LSAMP: variants seen among roughly 807,000 people sequenced by gnomAD.
LSAMP encodes limbic system-associated membrane protein.
Under a neutral mutation model 38.6 loss-of-function variants are expected in LSAMP, and 7 were observed. The ratio of observed to expected loss-of-function variants is 0.18; its 90% confidence interval spans 0.10 to 0.34. LSAMP has a LOEUF of 0.34. LSAMP is among the 10% of genes least tolerant of loss of function. The pLI is 1.00. For synonymous variants in LSAMP, 154 were observed against 166.8 expected (o/e 0.92, Z 0.59); for missense variants, 313 against 420.0 (o/e 0.75, Z 2.23).
chr3:116,131,470 T>C (rs1040097019), intron 1 of LSAMP, among the ~76,000 whole-genome samples: 1 of 152,066 alleles, frequency 6.6e-6, no homozygotes, highest in Non-Finnish European at 1.5e-5. Context: ...TTTTACTGTC[T>C]TCTGGGAAAG....
intron 1 of LSAMP, among the ~76,000 whole-genome samples, chr3:116,148,618 T>C (rs1709540995): frequency 6.6e-6 from 1 of 152,014 alleles, no homozygotes; most frequent in Admixed American, 6.6e-5. Flanking sequence ...GGGAAATTCA[T>C]AGATATATAA....
At chr3:115,842,288 CT>C (rs1480187761) in intron 5 of LSAMP, among the ~76,000 whole-genome samples, 169 bp downstream of exon 5, 2 of 152,200 alleles carry the variant, frequency 1.3e-5, no homozygotes, top group Non-Finnish European at 2.9e-5. Context: ...TGGGCTTCAG[CT>C]TAAGAGCTAC....
At chr3:116,270,043 C>A (rs183559505) in intron 1 of LSAMP, among the ~76,000 whole-genome samples, 1 of 152,124 alleles carries the variant, frequency 6.6e-6, no homozygotes, top group Non-Finnish European at 1.5e-5. Context: ...AATCATCAAC[C>A]CTACCTCCCA....
intron 3 of LSAMP, among the ~76,000 whole-genome samples, chr3:116,014,839 C>T (rs1020170643): frequency 2.6e-5 from 4 of 152,168 alleles, no homozygotes; most frequent in Non-Finnish European, 4.4e-5. Context: ...TTTAACATTA[C>T]ATATTTCTCT....
intron 1 of LSAMP, among the ~76,000 whole-genome samples, chr3:116,088,016 C>T (rs1297358409): frequency 6.6e-6 from 1 of 151,212 alleles, no homozygotes; most frequent in East Asian, 2.0e-4. Context: ...GCCTCAGCCT[C>T]CTAAGTAGCT....
At chr3:116,131,038 T>A (rs1354006782) in intron 1 of LSAMP, among the ~76,000 whole-genome samples, 2 of 145,746 alleles carry the variant, frequency 1.4e-5, no homozygotes, top group African/African-American at 5.2e-5. Context: ...TCGCCCAGGC[T>A]GGAGTGCAGT....
At position 116,445,363 on chromosome 3, in the gene LSAMP, G is replaced by A. The variant is rs1228231694; in HGVS notation, c.-332C>T. 2 of 516,788 alleles carry A rather than the reference G, an allele frequency of 3.9e-6. No homozygotes were observed. Among genetic ancestry groups the A allele is most frequent in the Admixed American group, 3.6e-5 (1 of 27,562 alleles). 32.0% of individuals were successfully genotyped at this position (516,788 alleles called of 1,614,324 possible). On this transcript the variant is annotated 5_prime_UTR_variant, in exon 1 of 7. Transcript: ENST00000490035. ...TTGTTTGGTCTCTCTGTGACTGGAT[G>A]CTCCTCTGCCAGTGTCTGAGCTGAG...
chr3:116,266,971 C>T lies in LSAMP; in HGVS notation c.155+177906G>A, dbSNP rs186678928. Among the ~76,000 whole-genome samples the T allele has an allele frequency of 3.9e-3, 592 of 152,268 alleles. 5 individuals are homozygous for T. The highest frequency in any genetic ancestry group is 0.014 in the African/African-American group (561 of 41,552). On this transcript the variant is annotated intron_variant, in intron 1 of 6. Transcript: ENST00000490035. The stretch of plus-strand genomic sequence containing the variant: ...GCAGGCACCTGCCAACTGCTTTGCA[C>T]TTTACATGTGTCAACTCATTGACTC...
chr3:116,172,332 T>C (rs887018878), intron 1 of LSAMP, among the ~76,000 whole-genome samples: 3 of 151,108 alleles, frequency 2.0e-5, no homozygotes, highest in Non-Finnish European at 2.9e-5. Flanking sequence ...CTGGATCAAT[T>C]TCATTATTTT....
intron 1 of LSAMP, among the ~76,000 whole-genome samples, chr3:116,260,307 G>A (rs182653431): frequency 1.4e-3 from 209 of 152,054 alleles, no homozygotes; most frequent in Non-Finnish European, 2.4e-3. Context: ...TAATCTCCAG[G>A]AGTCTCTCTT....
intron 1 of LSAMP, among the ~76,000 whole-genome samples, chr3:116,320,577 C>G (rs1357761651): frequency 2.6e-5 from 4 of 152,068 alleles, no homozygotes; most frequent in African/African-American, 7.3e-5. Flanking sequence ...CTCAGAAATC[C>G]TGGTCAGAAT....
intron 3 of LSAMP, among the ~76,000 whole-genome samples, chr3:115,856,964 T>A (rs1485607008): frequency 2.6e-5 from 4 of 152,192 alleles, no homozygotes; most frequent in Non-Finnish European, 5.9e-5. Flanking sequence ...AGTGGCTAAG[T>A]ATTTCTGTCA....
At chr3:116,185,990 C>CTTTAAAAAAATGTAAGCTGATTTTT (rs1710607402) in intron 1 of LSAMP, among the ~76,000 whole-genome samples, 1 of 150,290 alleles carries the variant, frequency 6.7e-6, no homozygotes, top group Non-Finnish European at 1.5e-5. Context: ...ATGTCTACCC[C>CTTTAAAAAAATGTAAGCTGATTTTT]TTTAAAAAAA....
At chr3:116,167,300 T>C (rs1710082975) in intron 1 of LSAMP, among the ~76,000 whole-genome samples, 1 of 152,162 alleles carries the variant, frequency 6.6e-6, no homozygotes, top group African/African-American at 2.4e-5. Flanking sequence ...CTTATGCTTT[T>C]GCATCTTCAT....
chr3:115,847,397 G>T (rs1434897185), intron 4 of LSAMP, among the ~76,000 whole-genome samples: 6 of 152,182 alleles, frequency 3.9e-5, no homozygotes, highest in Non-Finnish European at 7.3e-5. Context: ...CCATGTGCCA[G>T]CAATATTAAA....
chr3:115,933,946 C>A (rs999516518), intron 3 of LSAMP, among the ~76,000 whole-genome samples: 15 of 151,994 alleles, frequency 9.9e-5, no homozygotes, highest in African/African-American at 3.4e-4. Context: ...AAATGTAATT[C>A]ATTCTTTTAA....
intron 1 of LSAMP, among the ~76,000 whole-genome samples, chr3:116,248,860 C>G (rs2046637748): frequency 6.6e-6 from 1 of 152,028 alleles, no homozygotes; most frequent in African/African-American, 2.4e-5. Context: ...TTAAAATGGA[C>G]TAAACTGCCA....
chr3:116,227,910 C>A (rs1210983005), intron 1 of LSAMP, among the ~76,000 whole-genome samples: 9 of 152,100 alleles, frequency 5.9e-5, no homozygotes, highest in Non-Finnish European at 1.2e-4. Context: ...ATAAAACATT[C>A]TACACTTGTC....
chr3:116,072,551 C>T (rs1218427204), intron 2 of LSAMP, among the ~76,000 whole-genome samples: 1 of 152,132 alleles, frequency 6.6e-6, no homozygotes, highest in Non-Finnish European at 1.5e-5. Context: ...TACAACCTCC[C>T]TAGCATCTGT....
Sources: gnomAD v4.1 joint callset for allele counts (sites outside exome capture counted in the v4.1 genomes callset) on GRCh38, gnomAD v4.1.1 for gene constraint, MANE v1.5 for transcripts, NCBI Gene and HGNC (gene_info 2026-07-23, HGNC 2026-07-21) for gene names.